Variants in MAP4K5 observed in about 807,000 individuals in gnomAD.
MAP4K5 encodes MAPK/ERK kinase kinase kinase 5.
A neutral mutation model predicts 135.6 loss-of-function variants in MAP4K5; 82 were observed. That is an observed-to-expected ratio of 0.60 (90% CI 0.51 to 0.73). The LOEUF (loss-of-function observed/expected upper bound fraction) is 0.73. MAP4K5 is among the 30% of genes least tolerant of loss of function. MAP4K5 has a pLI of 0.00. For missense variants in MAP4K5, 907 were observed against 1,010.9 expected (o/e 0.90, Z 1.39); for synonymous variants, 347 against 335.0 (o/e 1.04, Z -0.39).
intron 13 of MAP4K5, among the ~76,000 whole-genome samples, chr14:50,461,512 A>G (rs139934144): frequency 2.6e-4 from 40 of 152,332 alleles, no homozygotes; most frequent in Non-Finnish European, 5.3e-4. Flanking sequence ...AAGGAACATA[A>G]GGAGAGAAAG....
chr14:50,428,900 A>G (rs564497328), intron 29 of MAP4K5, 146 bp from the exon 30 acceptor site: 81 of 620,794 alleles, frequency 1.3e-4, no homozygotes, highest in Admixed American at 9.8e-4. Flanking sequence ...CCAAATGGCA[A>G]AAAATACTGT....
At chr14:50,490,924 T>TA (rs1396998022) in intron 3 of MAP4K5, among the ~76,000 whole-genome samples, 1 of 152,198 alleles carries the variant, frequency 6.6e-6, no homozygotes, top group Admixed American at 6.5e-5. Context: ...ACTAGAATTT[T>TA]AGAGTTTCCT....
chr14:50,429,293 C>G (rs772353959), intron 28 of MAP4K5, 33 bp from the exon 29 acceptor site: 1 of 1,283,650 alleles, frequency 7.8e-7, no homozygotes, highest in Admixed American at 2.1e-5. Context: ...TACAATTATA[C>G]TTTTAAAACC....
chr14:50,486,795 G>A (rs2037372196), intron 3 of MAP4K5, among the ~76,000 whole-genome samples: 1 of 152,076 alleles, frequency 6.6e-6, no homozygotes, highest in South Asian at 2.1e-4. Context: ...GATGGGTGTG[G>A]TGGTGGCACC....
intron 9 of MAP4K5, among the ~76,000 whole-genome samples, chr14:50,473,414 T>C (rs1430223429): frequency 6.6e-6 from 1 of 152,202 alleles, no homozygotes; most frequent in Non-Finnish European, 1.5e-5. Context: ...TTGTGATCTA[T>C]TATCATATGT....
rs2035682462 is a variant in MAP4K5 at position 50,419,739 on chromosome 14, TG to T, written c.*279del. ...ACCATGGCACCCTTGTTACAAACAT[TG>T]TTTTTTTTAAAAAAAGACTGTGTTT... On this transcript the variant is annotated 3_prime_UTR_variant, in exon 33 of 33. Transcript: ENST00000682126. The T allele has an allele frequency of 3.3e-6, 1 of 302,394 alleles. No homozygotes were observed. The highest frequency in any genetic ancestry group is 6.2e-6 in the Non-Finnish European group (1 of 161,944). 18.7% of individuals were successfully genotyped at this position (302,394 alleles called of 1,614,324 possible). A position where few individuals can be genotyped will look rare whatever the true frequency, so the allele number is the denominator to read the frequency against.
chr14:50,509,622 A>T, intron 2 of MAP4K5, among the ~76,000 whole-genome samples: 1 of 152,232 alleles, frequency 6.6e-6, no homozygotes, highest in Non-Finnish European at 1.5e-5. Context: ...ATTATCGAAT[A>T]AAAGTTAGTA....
intron 16 of MAP4K5, among the ~76,000 whole-genome samples, chr14:50,446,930 TA>T (rs958858409): frequency 2.8e-4 from 43 of 152,336 alleles, no homozygotes; most frequent in African/African-American, 9.9e-4. Context: ...TTTCAACCAT[TA>T]AAAATGTATT....
chr14:50,479,982 G>A (rs1237895083), intron 6 of MAP4K5, among the ~76,000 whole-genome samples: 2 of 151,946 alleles, frequency 1.3e-5, no homozygotes, highest in East Asian at 1.9e-4. Context: ...CTGATGTTCA[G>A]TTTCTTGAAA....
chr14:50,450,055 C>T (rs2036447843), intron 14 of MAP4K5: 1 of 152,334 alleles, frequency 6.6e-6, no homozygotes, highest in South Asian at 2.1e-4. Flanking sequence ...TATTCTCTTG[C>T]CTCAGCCTCC....
At chr14:50,540,572 C>T (rs986146672) in intron 2 of MAP4K5, among the ~76,000 whole-genome samples, 2 of 152,168 alleles carry the variant, frequency 1.3e-5, no homozygotes, top group African/African-American at 4.8e-5. Context: ...GATTCTCATA[C>T]ATTCTGGAGG....
At chr14:50,535,047 C>T (rs1372703576), upstream of MAP4K5, among the ~76,000 whole-genome samples, 1 of 152,200 alleles carries the variant, frequency 6.6e-6, no homozygotes, top group Non-Finnish European at 1.5e-5. Context: ...ATAAATATGG[C>T]TTGATAGGTC....
chr14:50,432,863 G>T (rs1595427840), intron 28 of MAP4K5, among the ~76,000 whole-genome samples: 1 of 152,054 alleles, frequency 6.6e-6, no homozygotes, highest in East Asian at 1.9e-4. Flanking sequence ...TTGAGACAGA[G>T]TTTCGTTCTT....
intron 2 of MAP4K5, 70 bp from the exon 3 acceptor site, chr14:50,504,927 CTA>C (rs1169478590): frequency 5.7e-5 from 53 of 925,868 alleles, no homozygotes; most frequent in Non-Finnish European, 8.4e-5. Context: ...TTACTTGGTA[CTA>C]TGTTAATTGC....
intron 2 of MAP4K5, among the ~76,000 whole-genome samples, chr14:50,512,872 T>G (rs2037958558): frequency 6.6e-6 from 1 of 152,168 alleles, no homozygotes; most frequent in Admixed American, 6.5e-5. Context: ...TTTTTGTTTT[T>G]AACTTTAATA....
chr14:50,512,940 G>A (rs988587710), intron 2 of MAP4K5, among the ~76,000 whole-genome samples: 19 of 151,964 alleles, frequency 1.3e-4, no homozygotes, highest in African/African-American at 4.3e-4. Flanking sequence ...GGAGTACAAC[G>A]GCAACTACAC....
chr14:50,556,467 C>T (rs543058599), intron 1 of MAP4K5, among the ~76,000 whole-genome samples: 1 of 152,264 alleles, frequency 6.6e-6, no homozygotes, highest in East Asian at 1.9e-4. Context: ...ATCCTCCCAC[C>T]TCAGCTTCCC....
chr14:50,503,314 A>G (rs1419480089), intron 3 of MAP4K5, among the ~76,000 whole-genome samples: 1 of 152,078 alleles, frequency 6.6e-6, no homozygotes, highest in East Asian at 1.9e-4. Context: ...CTGAACTTCC[A>G]TGTTATTCTT....
intron 22 of MAP4K5, 78 bp downstream of exon 22, chr14:50,440,284 C>A: frequency 1.0e-6 from 1 of 993,868 alleles, no homozygotes. Flanking sequence ...TTGGGGCCTA[C>A]ACAGATTGAT....
Sources: gnomAD v4.1 joint callset for allele counts (sites outside exome capture counted in the v4.1 genomes callset) on GRCh38, gnomAD v4.1.1 for gene constraint, MANE v1.5 for transcripts, NCBI Gene and HGNC (gene_info 2026-07-23, HGNC 2026-07-21) for gene names.